Variants in OR2L2 observed in about 807,000 individuals in gnomAD.
OR2L2 encodes olfactory receptor 2L2.
For missense variants in OR2L2, 378 were observed against 375.2 expected, an observed-to-expected ratio of 1.01 and a Z score of -0.06; for synonymous variants, 156 against 135.4, an observed-to-expected ratio of 1.15 and a Z score of -1.06.
In OR2L2 at chr1:248,035,454, G is replaced by GA. The variant is rs142082085; in HGVS notation, c.-96-86dup. Reference sequence around the variant, plus strand: ...ACAGAGCGAGACTCCATCTCAAAAAGAAAAAAAAAAGTGTCAGTCTCATAT... The same window carrying GA: ...ACAGAGCGAGACTCCATCTCAAAAAGAAAAAAAAAAAGTGTCAGTCTCATAT... On this transcript the variant is annotated intron_variant, in intron 1 of 2. Transcript: ENST00000641771. 2.7e-4 allele frequency: 39 copies of GA among 146,268 alleles called. 1 individual carries two copies. The highest frequency in any genetic ancestry group is 9.5e-4 in the Admixed American group (14 of 14,670). The allele number at this position is 146,268 out of a possible 1,614,324, so 9.1% of individuals were successfully genotyped here. A position where few individuals can be genotyped will look rare whatever the true frequency, so the allele number is the denominator to read the frequency against.
rs1209144866 is a variant in OR2L2 at position 248,041,782 on chromosome 1, G to A, written c.*2576G>A. ...AAATGCTCACCGTTACTGGCCGTCAGAGAAATGCAAATCAAAACCACAATG... is the reference window on the plus strand; with the variant it reads ...AAATGCTCACCGTTACTGGCCGTCAAAGAAATGCAAATCAAAACCACAATG... On this transcript the variant is annotated 3_prime_UTR_variant, in exon 3 of 3. Coordinates refer to ENST00000641771, the MANE Select transcript of OR2L2 (RefSeq NM_001385855.1). 6.6e-6 allele frequency: 1 copy of A among 152,216 alleles called. No individual in the cohort carries two copies. The highest frequency in any genetic ancestry group is 1.5e-5 in the Non-Finnish European group (1 of 68,058). The allele number at this position is 152,216 out of a possible 1,614,324, so 9.4% of individuals were successfully genotyped here.
rs1425061513 is a variant in OR2L2, at chr1:248,040,717, T to G, written c.*1511T>G. 3.9e-5 allele frequency: 6 copies of G among 152,208 alleles called. No homozygotes were observed. Among genetic ancestry groups the G allele is most frequent in the South Asian group, 2.1e-4 (1 of 4,830 alleles). 9.4% of individuals were successfully genotyped at this position (152,208 alleles called of 1,614,324 possible). On this transcript the variant is annotated 3_prime_UTR_variant, in exon 3 of 3. Coordinates refer to ENST00000641771, the MANE Select transcript of OR2L2 (RefSeq NM_001385855.1). ...GTGTTAATTGAATGCTTATGTTATT[T>G]GTAAGGCTTGCTGTCAATAGTAGGA...
intron 2 of OR2L2, among the ~76,000 whole-genome samples, chr1:248,035,968 TTAC>T (rs1449180476): frequency 1.1e-4 from 16 of 151,974 alleles, no homozygotes; most frequent in South Asian, 4.1e-4. Flanking sequence ...CTGATTATTA[TTAC>T]TACTATTTCT....
intron 1 of OR2L2, among the ~76,000 whole-genome samples, chr1:248,032,943 A>AT (rs1218940345): frequency 1.3e-5 from 2 of 151,792 alleles, no homozygotes; most frequent in Non-Finnish European, 2.9e-5. Flanking sequence ...AAACACAATA[A>AT]TTTGACAACT....
intron 2 of OR2L2, among the ~76,000 whole-genome samples, chr1:248,036,108 A>G (rs771802745): frequency 2.0e-5 from 3 of 152,186 alleles, no homozygotes; most frequent in Non-Finnish European, 4.4e-5. Flanking sequence ...GGTGGCTAAT[A>G]TATTCCAGTT....
Position 248,037,719 on chromosome 1 carries a change from A to G in OR2L2, c.-21-528A>G, listed in dbSNP as rs971904951. On this transcript the variant is annotated intron_variant, in intron 2 of 2. Coordinates refer to ENST00000641771, the MANE Select transcript of OR2L2 (RefSeq NM_001385855.1). ...TTAAAAACAATTGGCTTACTATTCT[A>G]TAAGTAGTCCCCTCTCATTCACTGT... Among the ~76,000 whole-genome samples, 5 of 152,328 alleles carry G rather than the reference A, an allele frequency of 3.3e-5. No homozygotes were observed. In the South Asian group the frequency reaches 1.0e-3, roughly 32 times the overall value.
At chr1:248,033,609 GTT>G (rs61098243) in intron 1 of OR2L2, among the ~76,000 whole-genome samples, 9,324 of 136,164 alleles carry the variant, frequency 0.068, 350 homozygotes, top group East Asian at 0.17. Flanking sequence ...GCTAATTTTT[GTT>G]TTTTTTTTTT....
chr1:248,038,875 C>T lies in OR2L2; in HGVS notation c.608C>T (p.Thr203Ile), dbSNP rs756173866. 13 of 1,614,118 alleles carry T rather than the reference C, an allele frequency of 8.1e-6. No homozygotes were observed. Among genetic ancestry groups the T allele is most frequent in the Non-Finnish European group, 1.0e-5 (12 of 1,180,018 alleles). ...GAGAGCACAGTGTTTTTGAGCAGCA[C>T]CATCTTTCTTGTGCTTCCTTTCACT... The part of the protein sequence containing the change: ...VYESTVFLSS[T>I]IFLVLPFTGI... The change falls in exon 3 of 3, where the codon ACC becomes ATC. Residue 203 changes from threonine (T) to isoleucine (I), a missense_variant. Transcript: ENST00000641771.
rs1296247044 is a variant in OR2L2, at chr1:248,039,333, T to C, written c.*127T>C. On this transcript the variant is annotated 3_prime_UTR_variant, in exon 3 of 3. Transcript: ENST00000641771. ...AGTTAATCTAGAAGAAATTTGTCTT[T>C]TAATTTAGTCTTGACAATATTATAA... 2 of 716,292 alleles carry C rather than the reference T, an allele frequency of 2.8e-6. No individual in the cohort carries two copies. The highest frequency in any genetic ancestry group is 4.3e-5 in the African/African-American group (2 of 46,636). 44.4% of individuals were successfully genotyped at this position (716,292 alleles called of 1,614,324 possible).
At chr1:248,034,862 G>C (rs1383505123) in intron 1 of OR2L2, among the ~76,000 whole-genome samples, 1 of 152,190 alleles carries the variant, frequency 6.6e-6, no homozygotes, top group Non-Finnish European at 1.5e-5. Flanking sequence ...CAAATTGTGG[G>C]TGTATAGGAG....
chr1:248,038,249 T>G lies in OR2L2; in HGVS notation c.-19T>G. ...TTTACCCTTTTGTCTCCCTTCAGGA[T>G]GGATTGTAGGAATTCCCCATGGAAA... On this transcript the variant is annotated splice_region_variant and 5_prime_UTR_variant, in exon 3 of 3. It removes an upstream start codon present in the reference 5' UTR. Transcript: ENST00000641771. 1 of 1,535,024 alleles carries G rather than the reference T, an allele frequency of 6.5e-7. No individual in the cohort carries two copies. Among genetic ancestry groups the G allele is most frequent in the African/African-American group, 1.4e-5 (1 of 73,484 alleles).
intron 1 of OR2L2, among the ~76,000 whole-genome samples, chr1:248,032,206 C>T (rs1319359602): frequency 6.6e-6 from 1 of 152,068 alleles, no homozygotes; most frequent in African/African-American, 2.4e-5. Flanking sequence ...ATAAATTGCT[C>T]TGTAGAGGCT....
chr1:248,033,257 A>G (rs775245714), intron 1 of OR2L2, among the ~76,000 whole-genome samples: 2 of 152,122 alleles, frequency 1.3e-5, no homozygotes, highest in Non-Finnish European at 2.9e-5. Context: ...ATTTTTCTAT[A>G]TGGTGTAAAG....
intron 2 of OR2L2, among the ~76,000 whole-genome samples, chr1:248,036,246 T>A (rs1430533337): frequency 6.0e-5 from 9 of 151,086 alleles, no homozygotes. Flanking sequence ...ATCTTTTCAG[T>A]TTTTTTTTCC....
rs1662914054 is a variant in OR2L2, at chr1:248,040,247, G to A, written c.*1041G>A. The A allele has an allele frequency of 6.6e-6, 1 of 152,214 alleles. No homozygotes were observed. Among genetic ancestry groups the A allele is most frequent in the Non-Finnish European group, 1.5e-5 (1 of 68,040 alleles). The allele number at this position is 152,214 out of a possible 1,614,324, so 9.4% of individuals were successfully genotyped here. On this transcript the variant is annotated 3_prime_UTR_variant, in exon 3 of 3. Coordinates refer to ENST00000641771, the MANE Select transcript of OR2L2 (RefSeq NM_001385855.1). ...CAACATTATTTCATAAAGGTTATCTGCTTAGGTCCATTCTCTGAGTGAAAG... is the reference window on the plus strand; with the variant it reads ...CAACATTATTTCATAAAGGTTATCTACTTAGGTCCATTCTCTGAGTGAAAG...
intron 2 of OR2L2, among the ~76,000 whole-genome samples, chr1:248,037,279 G>C (rs1302128075): frequency 6.6e-6 from 1 of 152,140 alleles, no homozygotes; most frequent in Non-Finnish European, 1.5e-5. Flanking sequence ...GGAAATATAA[G>C]TTCCTCCAAA....
Position 248,039,405 on chromosome 1 carries a change from G to A in OR2L2, c.*199G>A, listed in dbSNP as rs548676209. The A allele has an allele frequency of 3.7e-4, 150 of 407,568 alleles. No homozygotes were observed. The highest frequency in any genetic ancestry group is 3.0e-3 in the African/African-American group (133 of 44,814). The allele number at this position is 407,568 out of a possible 1,614,324, so 25.2% of individuals were successfully genotyped here. ...AGACATCTATTTTGATTTTGTTTGT[G>A]TGTGGTTTTTGTTTGTTTGTTTGTT... On this transcript the variant is annotated 3_prime_UTR_variant, in exon 3 of 3. Coordinates refer to ENST00000641771, the MANE Select transcript of OR2L2 (RefSeq NM_001385855.1).
In OR2L2 at chr1:248,041,186, G is replaced by A. The variant is rs1439531299; in HGVS notation, c.*1980G>A. The A allele has an allele frequency of 3.9e-5, 6 of 152,124 alleles. No homozygotes were observed. The allele number at this position is 152,124 out of a possible 1,614,324, so 9.4% of individuals were successfully genotyped here. Reference sequence around the variant, plus strand: ...ATATAGATCAATGCAACAGAACAGAGCCCTCAGAAATAACGCCGCATATCT... The same window carrying A: ...ATATAGATCAATGCAACAGAACAGAACCCTCAGAAATAACGCCGCATATCT... On this transcript the variant is annotated 3_prime_UTR_variant, in exon 3 of 3. Transcript: ENST00000641771.
At chr1:248,037,655 T>C (rs1280405561) in intron 2 of OR2L2, among the ~76,000 whole-genome samples, 2 of 152,218 alleles carry the variant, frequency 1.3e-5, no homozygotes, top group East Asian at 3.8e-4. Flanking sequence ...TGTTGTAAAG[T>C]TCTATAAATA....
Sources: allele counts gnomAD v4.1 joint callset (sites outside exome capture counted in the v4.1 genomes callset), GRCh38; gene constraint gnomAD v4.1.1; transcripts MANE v1.5; gene names NCBI Gene and HGNC (gene_info 2026-07-23, HGNC 2026-07-21).